The following SPECC1 variants were observed in gnomAD, a reference collection of about 807,000 sequenced individuals.
SPECC1 encodes cytospin-B.
SPECC1 carries 62 observed loss-of-function variants against 104.1 expected under a neutral mutation model. The ratio of observed to expected loss-of-function variants is 0.60; its 90% CI spans 0.49 to 0.74. SPECC1 has a LOEUF of 0.74. SPECC1 is among the 30% of genes least tolerant of loss of function. SPECC1 has a pLI of 0.00. For synonymous variants in SPECC1, 513 were observed against 501.6 expected, an observed-to-expected ratio of 1.02 and a Z score of -0.30; for missense variants, 1,306 against 1,310.5, an observed-to-expected ratio of 1.00 and a Z score of 0.05.
chr17:20,141,412 C>A (rs377041337), intron 3 of SPECC1, among the ~76,000 whole-genome samples: 3 of 152,164 alleles, frequency 2.0e-5, no homozygotes, highest in Non-Finnish European at 2.9e-5. Flanking sequence ...TCTTTGAATG[C>A]GAGCTCACCA....
chr17:20,215,825 T>TCTATTCTTATGG lies in SPECC1; in HGVS notation c.1863+9916_1863+9927dup, dbSNP rs1252468255. Among the ~76,000 whole-genome samples the TCTATTCTTATGG allele has an allele frequency of 6.6e-5, 10 of 152,342 alleles. No homozygotes were observed. The East Asian group carries it at 1.4e-3, about 21-fold the overall frequency. ...TCCTTATTCTCTTTAGTCTACAGTCTCTATTCTTATGGCTGCTTTGTGTAG... is the reference window on the plus strand; with the variant it reads ...TCCTTATTCTCTTTAGTCTACAGTCTCTATTCTTATGGCTATTCTTATGGCTGCTTTGTGTAG... On this transcript the variant is annotated intron_variant, in intron 4 of 14. Transcript: ENST00000395527.
At chr17:20,101,990 T>C (rs1216595311) in intron 2 of SPECC1, among the ~76,000 whole-genome samples, 1 of 152,270 alleles carries the variant, frequency 6.6e-6, no homozygotes, top group African/African-American at 2.4e-5. Context: ...TTATATACTT[T>C]CTTATACAGG....
chr17:20,177,821 T>C (rs1346226151), intron 3 of SPECC1, among the ~76,000 whole-genome samples: 2 of 151,922 alleles, frequency 1.3e-5, no homozygotes, highest in African/African-American at 4.8e-5. Flanking sequence ...GCAATTCTTC[T>C]GCCTCAGCCT....
Position 20,250,757 on chromosome 17 carries a change from GA to G in SPECC1, c.2599-2744del, listed in dbSNP as rs148036550. 2.9e-3 allele frequency among the ~76,000 whole-genome samples: 435 copies of G among 152,286 alleles called. 1 individual carries two copies. The highest frequency in any genetic ancestry group is 9.7e-3 in the African/African-American group (402 of 41,552). ...TAGTTGCAAGAACATTAATAGACAA[GA>G]AAATTAAAAGGTCTTTCTCACGAAC... On this transcript the variant is annotated intron_variant, in intron 9 of 14. Coordinates refer to ENST00000395527, the MANE Select transcript of SPECC1 (RefSeq NM_001243439.2).
chr17:20,302,999 T>A (rs2041643111), intron 13 of SPECC1, among the ~76,000 whole-genome samples: 1 of 151,386 alleles, frequency 6.6e-6, no homozygotes, highest in African/African-American at 2.4e-5. Context: ...ACCTTACTAG[T>A]AATCAATACA....
chr17:20,099,100 A>T (rs960535975), intron 2 of SPECC1, among the ~76,000 whole-genome samples: 1 of 152,204 alleles, frequency 6.6e-6, no homozygotes, highest in Admixed American at 6.5e-5. Context: ...TGTCTTTCAG[A>T]TGAAGGTAAC....
intron 13 of SPECC1, among the ~76,000 whole-genome samples, chr17:20,298,970 TGTATGTAGAG>T (rs2041461592): frequency 1.1e-5 from 1 of 91,346 alleles, no homozygotes; most frequent in African/African-American, 4.3e-5. Context: ...TGTGTGTGTG[TGTATGTAGAG>T]AGAGAGAGAG....
At chr17:20,274,593 GC>G (rs1289485528) in intron 12 of SPECC1, among the ~76,000 whole-genome samples, 24 of 140,512 alleles carry the variant, frequency 1.7e-4, no homozygotes, top group Admixed American at 4.7e-4. Flanking sequence ...TGATTCTCCT[GC>G]CTCAGCCTCC....
intron 4 of SPECC1, among the ~76,000 whole-genome samples, chr17:20,225,539 A>G (rs2038147440): frequency 6.6e-6 from 1 of 152,186 alleles, no homozygotes; most frequent in African/African-American, 2.4e-5. Context: ...GTGATGGGAC[A>G]GCACCAAATT....
rs2043857210 is a variant in SPECC1 at position 20,009,512 on chromosome 17, G to C, written c.-22+88G>C. The C allele has an allele frequency of 6.6e-6, 1 of 152,246 alleles. No homozygotes were observed. Among genetic ancestry groups the C allele is most frequent in the African/African-American group, 2.4e-5 (1 of 41,458 alleles). 9.4% of individuals were successfully genotyped at this position (152,246 alleles called of 1,614,324 possible). A position where few individuals can be genotyped will look rare whatever the true frequency, so the allele number is the denominator to read the frequency against. ...TCTGAAGGGATGGGCGGGCGAGCGC[G>C]GGGGTCCGGCAGTCCGTCGTGGGGG... On this transcript the variant is annotated intron_variant, in intron 1 of 14. Transcript: ENST00000395527. This position sits in a 1 kb window ranked among gnomAD's most constrained non-coding sequence, Gnocchi z 5.2.
intron 10 of SPECC1, among the ~76,000 whole-genome samples, chr17:20,254,998 A>G (rs373054599): frequency 6.6e-6 from 1 of 152,186 alleles, no homozygotes; most frequent in East Asian, 1.9e-4. Flanking sequence ...TTCAAGCCCT[A>G]CAGAAATTGA....
intron 3 of SPECC1, among the ~76,000 whole-genome samples, chr17:20,125,349 CCAT>C: frequency 6.6e-6 from 1 of 152,312 alleles, no homozygotes; most frequent in African/African-American, 2.4e-5. Flanking sequence ...GTAAGTCACA[CCAT>C]CATAAGTTCG....
At chr17:20,200,890 T>TAA (rs752221811) in intron 3 of SPECC1, among the ~76,000 whole-genome samples, 4,386 of 125,174 alleles carry the variant, frequency 0.035, 209 homozygotes, top group African/African-American at 0.11. Flanking sequence ...ACAGACATAG[T>TAA]AAAAAAAAAA....
At chr17:20,219,533 T>TC (rs2037724988) in intron 4 of SPECC1, among the ~76,000 whole-genome samples, 1 of 152,188 alleles carries the variant, frequency 6.6e-6, no homozygotes, top group African/African-American at 2.4e-5. Context: ...TAGATTTTTT[T>TC]CCCCCATTGA....
At chr17:20,180,983 C>G (rs1597899944) in intron 3 of SPECC1, among the ~76,000 whole-genome samples, 1 of 107,986 alleles carries the variant, frequency 9.3e-6, no homozygotes, top group Non-Finnish European at 1.8e-5. Flanking sequence ...TCCTGTCAGT[C>G]CAGTGAAATT....
intron 3 of SPECC1, among the ~76,000 whole-genome samples, chr17:20,121,856 A>C (rs2049050131): frequency 6.6e-6 from 1 of 152,204 alleles, no homozygotes; most frequent in African/African-American, 2.4e-5. Flanking sequence ...CTCTGCTACA[A>C]GTTCTGGTTC....
chr17:20,200,374 A>C (rs557025945), intron 3 of SPECC1, among the ~76,000 whole-genome samples: 1 of 152,294 alleles, frequency 6.6e-6, no homozygotes, highest in Admixed American at 6.5e-5. Flanking sequence ...CACTTCAAAC[A>C]TGTTTCTTCT....
At chr17:20,224,407 C>G (rs547414277) in intron 4 of SPECC1, among the ~76,000 whole-genome samples, 2 of 152,340 alleles carry the variant, frequency 1.3e-5, no homozygotes, top group South Asian at 4.1e-4. Flanking sequence ...GGAATCTAGC[C>G]AGGCTTGTAT....
At chr17:20,294,364 TC>T (rs1249507535) in intron 12 of SPECC1, among the ~76,000 whole-genome samples, 1 of 152,160 alleles carries the variant, frequency 6.6e-6, no homozygotes, top group African/African-American at 2.4e-5. Context: ...AGCTTCTTTC[TC>T]CCCATGCAGC....
Sources: gnomAD v4.1 joint callset for allele counts (sites outside exome capture counted in the v4.1 genomes callset) on GRCh38, gnomAD v4.1.1 for gene constraint, Gnocchi (gnomAD v3.1) non-coding constraint, MANE v1.5 for transcripts, NCBI Gene and HGNC (gene_info 2026-07-23, HGNC 2026-07-21) for gene names.